PRDM8: variants seen among roughly 807,000 people sequenced by gnomAD.
PRDM8 encodes PR/SET domain 8, also known as PR domain zinc finger protein 8.
Under a neutral mutation model 46.5 loss-of-function variants are expected in PRDM8, and 13 were observed. The observed-to-expected ratio is 0.28, with a 90% CI of 0.18 to 0.44. PRDM8 has a LOEUF of 0.44. Ranked by LOEUF, PRDM8 falls within the 20% of genes least tolerant of loss-of-function variation. The probability of loss-of-function intolerance (pLI) is 1.00; values close to 1 mark genes in which losing one functional copy is unlikely to be tolerated. For synonymous variants in PRDM8, 473 were observed against 438.4 expected (o/e 1.08, Z -0.98); for missense variants, 998 against 955.0 (o/e 1.04, Z -0.59).
intron 1 of PRDM8, among the ~76,000 whole-genome samples, chr4:80,187,825 G>A (rs1413428742): frequency 6.6e-6 from 1 of 152,058 alleles, no homozygotes; most frequent in Non-Finnish European, 1.5e-5. Flanking sequence ...TGCTCCTATA[G>A]AGCCCCAAAT....
At position 80,201,056 on chromosome 4, in the gene PRDM8, C is replaced by T. The variant is rs899493918; in HGVS notation, c.220-234C>T. 2.6e-5 allele frequency among the ~76,000 whole-genome samples: 4 copies of T among 152,160 alleles called. 1 individual carries two copies. The highest frequency in any genetic ancestry group is 5.9e-5 in the Non-Finnish European group (4 of 68,028). ...TTCAACCAATATATAAAAACGGTGA[C>T]TTAAATAAACTATATGATTGATGCA... On this transcript the variant is annotated intron_variant, in intron 2 of 3. Transcript: ENST00000415738.
Sources: gnomAD v4.1 joint callset for allele counts (sites outside exome capture counted in the v4.1 genomes callset) on GRCh38, gnomAD v4.1.1 for gene constraint, MANE v1.5 for transcripts, NCBI Gene and HGNC (gene_info 2026-07-23, HGNC 2026-07-21) for gene names.